Variants in SAXO1 observed in about 807,000 individuals in gnomAD.
SAXO1 encodes 4930500O09Rik.
Under a neutral mutation model 17.5 loss-of-function variants are expected in SAXO1, and 21 were observed. That is an observed-to-expected ratio of 1.20 (90% confidence interval 0.85 to 1.72). The LOEUF (loss-of-function observed/expected upper bound fraction) is 1.72, where lower values mean the gene tolerates loss of function less well. SAXO1 is among the 40% of genes most tolerant of loss of function. The pLI is 0.00. For synonymous variants in SAXO1, 274 were observed against 216.5 expected (o/e 1.27, Z -2.33); for missense variants, 843 against 596.0 (o/e 1.41, Z -4.32).
chr9:18,938,086 C>A (rs1398388268), intron 3 of SAXO1, among the ~76,000 whole-genome samples: 1 of 152,136 alleles, frequency 6.6e-6, no homozygotes, highest in East Asian at 1.9e-4. Flanking sequence ...TCTATGCATG[C>A]CTGGTTCTGA....
intron 1 of SAXO1, among the ~76,000 whole-genome samples, chr9:19,016,577 G>T (rs761113032): frequency 4.1e-4 from 62 of 152,106 alleles, no homozygotes; most frequent in Non-Finnish European, 7.8e-4. Flanking sequence ...ATTGTCAAAA[G>T]TGGGGTAGGT....
intron 3 of SAXO1, among the ~76,000 whole-genome samples, chr9:18,934,895 A>G (rs542135756): frequency 4.0e-5 from 6 of 151,644 alleles, no homozygotes; most frequent in Admixed American, 2.6e-4. Context: ...ATTTTTGTTC[A>G]TTTTTTTCTT....
At chr9:18,973,799 CT>C (rs1833036595) in intron 1 of SAXO1, among the ~76,000 whole-genome samples, 3 of 152,212 alleles carry the variant, frequency 2.0e-5, no homozygotes, top group Non-Finnish European at 2.9e-5. Context: ...TCCTGATCAC[CT>C]GATTATCCCA....
intron 1 of SAXO1, among the ~76,000 whole-genome samples, chr9:18,969,821 T>A (rs187022548): frequency 6.6e-6 from 1 of 152,248 alleles, no homozygotes; most frequent in Admixed American, 6.5e-5. Flanking sequence ...ACTTTTGCTA[T>A]GGCTGCCGCC....
chr9:19,040,941 A>G (rs909625446), intron 1 of SAXO1, among the ~76,000 whole-genome samples: 6 of 151,914 alleles, frequency 3.9e-5, no homozygotes, highest in Non-Finnish European at 7.4e-5. Context: ...CATTAAAAAA[A>G]TCTTGCAAAA....
At chr9:19,029,120 T>A (rs1011192244) in intron 1 of SAXO1, among the ~76,000 whole-genome samples, 1 of 152,298 alleles carries the variant, frequency 6.6e-6, no homozygotes, top group East Asian at 1.9e-4. Context: ...GGGCAGCTGC[T>A]CCTGCAGATG....
chr9:19,039,106 G>C (rs1315978854), intron 1 of SAXO1, among the ~76,000 whole-genome samples: 2 of 150,824 alleles, frequency 1.3e-5, no homozygotes, highest in African/African-American at 4.9e-5. Context: ...CTGCACTCCA[G>C]CCTGGGCAAC....
chr9:18,951,646 A>G (rs560752078), intron 1 of SAXO1, among the ~76,000 whole-genome samples: 11 of 152,292 alleles, frequency 7.2e-5, no homozygotes, highest in Non-Finnish European at 1.3e-4. Flanking sequence ...GTGTGTGCAC[A>G]TATTTTCTCC....
chr9:18,928,360 T>C lies in SAXO1; in HGVS notation c.1117A>G (p.Thr373Ala). ...TGGGGCACATAGTGGGCCCGAGTGG[T>C]GGTCAGGCAGTCCAGGGGCTCGGTG... ...LPTEPLDCLT[T>A]TRAHYVPHLP... The change falls in exon 4 of 4, where the codon ACC becomes GCC. Residue 373 changes from threonine (T) to alanine (A), a missense_variant. Physicochemically the swap from Thr to Ala is moderately conservative, Grantham distance 58. Transcript: ENST00000380534. The C allele has an allele frequency of 6.2e-7, 1 of 1,613,106 alleles. No individual in the cohort carries two copies.
rs1554667882 is a variant in SAXO1, at chr9:18,938,836, G to GTGTGTA, written c.421+2800_421+2801insTACACA. On this transcript the variant is annotated intron_variant, in intron 3 of 3. Transcript: ENST00000380534. ...TGCGTGCGTGCGTGTGTGTGTGTGT[G>GTGTGTA]TGTGTGTGTGTGTGTGTATGTGTGT... Among the ~76,000 whole-genome samples the GTGTGTA allele has an allele frequency of 6.0e-5, 9 of 151,240 alleles. No individual in the cohort carries two copies. In the South Asian group the frequency reaches 8.4e-4, roughly 14 times the overall value.
At chr9:19,044,682 G>A (rs2089713149) in intron 1 of SAXO1, among the ~76,000 whole-genome samples, 1 of 151,988 alleles carries the variant, frequency 6.6e-6, no homozygotes, top group African/African-American at 2.4e-5. Flanking sequence ...CTAACACGGT[G>A]AAACCCCGTC....
intron 1 of SAXO1, among the ~76,000 whole-genome samples, chr9:18,972,365 T>C (rs2131797678): frequency 6.6e-6 from 1 of 152,366 alleles, no homozygotes; most frequent in South Asian, 2.1e-4. Flanking sequence ...TTAGACTGGC[T>C]GAAGACTGCG....
At chr9:18,982,520 C>T (rs6475300) in intron 1 of SAXO1, among the ~76,000 whole-genome samples, 2 of 151,944 alleles carry the variant, frequency 1.3e-5, no homozygotes, top group East Asian at 3.9e-4. Context: ...CCAGGGTCTT[C>T]TGTCACTGGA....
chr9:18,983,158 C>A (rs1049569271), intron 1 of SAXO1, among the ~76,000 whole-genome samples: 7 of 152,176 alleles, frequency 4.6e-5, no homozygotes, highest in Non-Finnish European at 7.3e-5. Flanking sequence ...CTACCTGAGA[C>A]TGAGTAATTT....
chr9:18,963,050 T>A (rs1356927196), intron 1 of SAXO1, among the ~76,000 whole-genome samples: 1 of 152,244 alleles, frequency 6.6e-6, no homozygotes, highest in Non-Finnish European at 1.5e-5. Flanking sequence ...ATTTATTAAA[T>A]AGGGAATCCT....
In SAXO1 at chr9:19,012,269, A is replaced by G. The variant is rs925974394; in HGVS notation, c.38+20602T>C. Among the ~76,000 whole-genome samples, 15 of 152,360 alleles carry G rather than the reference A, an allele frequency of 9.8e-5. No individual in the cohort carries two copies. The South Asian group carries it at 1.2e-3, about 13-fold the overall frequency. ...ATAAGATTTAGAGCCTTTTTCTCTC[A>G]TCTATACCACTTACCATCTGGGGGT... On this transcript the variant is annotated intron_variant, in intron 1 of 3. Coordinates refer to ENST00000380534, the MANE Select transcript of SAXO1 (RefSeq NM_153707.4).
chr9:18,945,170 T>C (rs1003263480), intron 2 of SAXO1, among the ~76,000 whole-genome samples: 2 of 152,166 alleles, frequency 1.3e-5, no homozygotes, highest in Admixed American at 6.5e-5. Context: ...TTCCAGAAAG[T>C]GTTGTCTACA....
intron 1 of SAXO1, among the ~76,000 whole-genome samples, chr9:18,999,645 C>CA (rs1834167313): frequency 8.6e-6 from 1 of 115,756 alleles, no homozygotes; most frequent in Non-Finnish European, 1.9e-5. Context: ...CCCCTCTGCC[C>CA]GGCCGCCACA....
At chr9:18,958,223 A>G (rs1427679544) in intron 1 of SAXO1, among the ~76,000 whole-genome samples, 2 of 152,178 alleles carry the variant, frequency 1.3e-5, no homozygotes, top group Non-Finnish European at 2.9e-5. Flanking sequence ...CAGGGGTTCG[A>G]GACTAGCTTG....
Sources: gnomAD v4.1 joint callset for allele counts (sites outside exome capture counted in the v4.1 genomes callset) on GRCh38, gnomAD v4.1.1 for gene constraint, MANE v1.5 for transcripts, NCBI Gene and HGNC (gene_info 2026-07-23, HGNC 2026-07-21) for gene names.